RYR3: variants seen among roughly 807,000 people sequenced by gnomAD.
RYR3 encodes ryanodine receptor 3, also known as brain ryanodine receptor-calcium release channel.
Under a neutral mutation model 584.3 loss-of-function variants are expected in RYR3, and 207 were observed. That is an observed-to-expected ratio of 0.35 (90% confidence interval 0.32 to 0.40). The LOEUF is 0.40. Ranked by LOEUF, RYR3 falls within the 10% of genes least tolerant of loss-of-function variation. RYR3 has a pLI of 1.00. For synonymous variants in RYR3, 2,416 were observed against 2,248.5 expected, an observed-to-expected ratio of 1.07 and a Z score of -2.11; for missense variants, 5,616 against 6,089.2, an observed-to-expected ratio of 0.92 and a Z score of 2.59.
chr15:33,581,518 C>G lies in RYR3; in HGVS notation c.1448C>G (p.Ala483Gly). 6.2e-7 allele frequency: 1 copy of G among 1,613,574 alleles called. No homozygotes were observed. Among genetic ancestry groups the G allele is most frequent in the South Asian group, 1.1e-5 (1 of 91,068 alleles). The change falls in exon 14 of 104, where the codon GCC becomes GGC. Residue 483 changes from alanine to glycine, a missense_variant. Coordinates refer to ENST00000634891, the MANE Select transcript of RYR3 (RefSeq NM_001036.6). The stretch of plus-strand genomic sequence containing the variant: ...CACTCTCCTTCTCAGGGAATGTTGG[C>G]CCTTGTCTTAAATTGCATTGACCGC... ...QNLFKEEGML[A>G]LVLNCIDRLN...
intron 19 of RYR3, among the ~76,000 whole-genome samples, chr15:33,617,378 C>T (rs545136557): frequency 1.4e-4 from 21 of 151,938 alleles, no homozygotes; most frequent in African/African-American, 4.8e-4. Flanking sequence ...CACCACTGCA[C>T]TCCAGCCTGG....
intron 43 of RYR3, among the ~76,000 whole-genome samples, chr15:33,711,174 T>C (rs1475632778): frequency 3.9e-5 from 6 of 152,182 alleles, no homozygotes; most frequent in Admixed American, 3.9e-4. Context: ...CTTTAAGTCA[T>C]TTATTCATTT....
At chr15:33,415,613 G>A (rs570278796) in intron 1 of RYR3, among the ~76,000 whole-genome samples, 22 of 152,196 alleles carry the variant, frequency 1.4e-4, no homozygotes, top group African/African-American at 5.1e-4. Flanking sequence ...AGCAAAGACC[G>A]TGAGACCACT....
rs138862816 is a variant in RYR3, at chr15:33,674,569, G to T, written c.5860+4013G>T. ...GCACAAATCTTTTTGACCTCCAACT[G>T]AATATTGGTTACTTGAGGCTCATAA... On this transcript the variant is annotated intron_variant, in intron 38 of 103. Coordinates refer to ENST00000634891, the MANE Select transcript of RYR3 (RefSeq NM_001036.6). Among the ~76,000 whole-genome samples the T allele has an allele frequency of 3.9e-3, 592 of 152,140 alleles. 2 individuals are homozygous for T. The highest frequency in any genetic ancestry group is 0.014 in the African/African-American group (565 of 41,490).
In RYR3 at chr15:33,390,631, G is replaced by A. The variant is rs1240150987; in HGVS notation, c.51+79535G>A. ...GTCTGCAAGGGTGGGGGTCTTGGCC[G>A]ACACCTGGGAACTTGGTACTTGTCC... is the stretch of plus-strand genomic sequence containing the variant. On this transcript the variant is annotated intron_variant, in intron 1 of 103. Coordinates refer to ENST00000634891, the MANE Select transcript of RYR3 (RefSeq NM_001036.6). This position sits in a 1 kb window ranked among gnomAD's most constrained non-coding sequence, Gnocchi z 4.2. 1.3e-5 allele frequency among the ~76,000 whole-genome samples: 2 copies of A among 152,170 alleles called. No individual in the cohort carries two copies. The highest frequency in any genetic ancestry group is 4.8e-5 in the African/African-American group (2 of 41,446).
intron 1 of RYR3, among the ~76,000 whole-genome samples, chr15:33,330,951 T>C (rs1970308024): frequency 6.6e-6 from 1 of 152,192 alleles, no homozygotes; most frequent in African/African-American, 2.4e-5. Context: ...CATTCATCTC[T>C]AAAATGAATG....
intron 19 of RYR3, among the ~76,000 whole-genome samples, chr15:33,620,167 T>G (rs529487680): frequency 6.6e-6 from 1 of 152,284 alleles, no homozygotes; most frequent in African/African-American, 2.4e-5. Context: ...AGCACAGTCC[T>G]TGGCGTCACC....
At chr15:33,608,107 T>G (rs1236782068) in intron 18 of RYR3, among the ~76,000 whole-genome samples, 11 of 152,218 alleles carry the variant, frequency 7.2e-5, no homozygotes, top group Non-Finnish European at 2.9e-5. Context: ...TTCATTAAAG[T>G]GAAAAGGATA....
chr15:33,805,632 C>G (rs557134748), intron 69 of RYR3, among the ~76,000 whole-genome samples: 1 of 151,918 alleles, frequency 6.6e-6, no homozygotes, highest in Admixed American at 6.6e-5. Flanking sequence ...TGCCCGCCAC[C>G]ACGCCCGGCT....
chr15:33,446,254 C>T (rs1002193131), intron 1 of RYR3, among the ~76,000 whole-genome samples: 2 of 152,224 alleles, frequency 1.3e-5, no homozygotes, highest in South Asian at 4.1e-4. Flanking sequence ...GATTTTCTTT[C>T]GAAATTGAAG....
intron 65 of RYR3, among the ~76,000 whole-genome samples, chr15:33,781,860 G>GC (rs2074404004): frequency 2.4e-5 from 3 of 124,760 alleles, no homozygotes; most frequent in African/African-American, 7.2e-5. Flanking sequence ...AAAAAAAAAA[G>GC]GGGGGGGGGA....
At chr15:33,815,693 G>A (rs2076780888) in intron 74 of RYR3, 1 of 390,476 alleles carries the variant, frequency 2.6e-6, no homozygotes, top group Non-Finnish European at 4.5e-6. Flanking sequence ...AGCTGATGAT[G>A]GAGACAACTT....
At chr15:33,541,816 G>A (rs1461657471) in intron 7 of RYR3, among the ~76,000 whole-genome samples, 1 of 152,124 alleles carries the variant, frequency 6.6e-6, no homozygotes. Context: ...GGCTTTAAAA[G>A]GTAGGATGTG....
At chr15:33,480,541 A>G (rs1372536252) in intron 2 of RYR3, among the ~76,000 whole-genome samples, 1 of 152,236 alleles carries the variant, frequency 6.6e-6, no homozygotes, top group Non-Finnish European at 1.5e-5. Flanking sequence ...GAAAGCCTGG[A>G]TGTAAGAATC....
intron 74 of RYR3, among the ~76,000 whole-genome samples, chr15:33,816,163 C>G (rs1012761571): frequency 2.6e-5 from 4 of 152,216 alleles, no homozygotes; most frequent in African/African-American, 9.6e-5. Flanking sequence ...CTCCTCACCA[C>G]TGTCCTCACA....
rs777538502 is a variant in RYR3 at position 33,748,494 on chromosome 15, C to T, written c.8163C>T (p.Leu2721=). ...NQGNSYSPAP[L]DLSNVVLSRE... ...GCAACAGCTACAGTCCTGCTCCCCT[C>T]GACCTCTCAAACGTTGTGCTCTCCA... is the stretch of plus-strand genomic sequence containing the variant. The change falls in exon 55 of 104, where the codon CTC becomes CTT. Residue 2721 remains leucine, a synonymous_variant. Coordinates refer to ENST00000634891, the MANE Select transcript of RYR3 (RefSeq NM_001036.6). The T allele has an allele frequency of 1.4e-5, 23 of 1,613,318 alleles. No individual in the cohort carries two copies. Among genetic ancestry groups the T allele is most frequent in the African/African-American group, 4.0e-5 (3 of 75,018 alleles).
At chr15:33,734,098 T>C (rs1213043270) in intron 48 of RYR3, among the ~76,000 whole-genome samples, 1 of 152,158 alleles carries the variant, frequency 6.6e-6, no homozygotes, top group Non-Finnish European at 1.5e-5. Flanking sequence ...ATTATTTTCT[T>C]GGGGTGGGGA....
intron 65 of RYR3, among the ~76,000 whole-genome samples, chr15:33,785,221 A>G (rs2074631112): frequency 6.6e-6 from 1 of 152,172 alleles, no homozygotes; most frequent in Non-Finnish European, 1.5e-5. Flanking sequence ...AGCCGAGTAT[A>G]GATGTGATCC....
At chr15:33,573,655 CTTGAATTTAATAAAAGAAT>C (rs1244900139) in intron 12 of RYR3, among the ~76,000 whole-genome samples, 1 of 152,160 alleles carries the variant, frequency 6.6e-6, no homozygotes, top group Non-Finnish European at 1.5e-5. Flanking sequence ...TGGGACCTCA[CTTGAATTTAATAAAAGAAT>C]TCATTGGCAA....
Sources: gnomAD v4.1 joint callset for allele counts (sites outside exome capture counted in the v4.1 genomes callset) on GRCh38, gnomAD v4.1.1 for gene constraint, Gnocchi (gnomAD v3.1) non-coding constraint, MANE v1.5 for transcripts, NCBI Gene and HGNC (gene_info 2026-07-23, HGNC 2026-07-21) for gene names.